SLC24A3: variants seen among roughly 807,000 people sequenced by gnomAD.
SLC24A3 encodes the protein sodium/potassium/calcium exchanger 3.
SLC24A3 carries 28 observed loss-of-function variants against 75.8 expected under a neutral mutation model. That is an observed-to-expected ratio of 0.37 (90% confidence interval 0.27 to 0.51). The LOEUF (loss-of-function observed/expected upper bound fraction) is 0.51. Ranked by LOEUF, SLC24A3 falls within the 20% of genes least tolerant of loss-of-function variation. The probability of loss-of-function intolerance (pLI) is 0.94; values close to 1 mark genes in which losing one functional copy is unlikely to be tolerated. For missense variants in SLC24A3, 663 were observed against 847.8 expected (o/e 0.78, Z 2.71); for synonymous variants, 372 against 334.1 (o/e 1.11, Z -1.24).
At chr20:19,454,333 A>G (rs1024797767) in intron 2 of SLC24A3, among the ~76,000 whole-genome samples, 1 of 152,192 alleles carries the variant, frequency 6.6e-6, no homozygotes, top group Non-Finnish European at 1.5e-5. Context: ...TTGCACTGAT[A>G]ATTTATTTCC....
chr20:19,678,325 C>A (rs1231061921), intron 9 of SLC24A3, among the ~76,000 whole-genome samples: 10 of 127,430 alleles, frequency 7.8e-5, no homozygotes, highest in Non-Finnish European at 1.7e-4. Context: ...GGGCGGCTGG[C>A]CGGGCGGGGG....
At chr20:19,367,998 T>A (rs1356778849) in intron 2 of SLC24A3, among the ~76,000 whole-genome samples, 2 of 152,308 alleles carry the variant, frequency 1.3e-5, no homozygotes, top group East Asian at 3.9e-4. Context: ...AAAGATAAAA[T>A]ATACTCTCTT....
chr20:19,325,795 T>TATATATATATATATATAGAG (rs1251419875), intron 2 of SLC24A3, among the ~76,000 whole-genome samples: 1 of 67,798 alleles, frequency 1.5e-5, no homozygotes, highest in Non-Finnish European at 2.8e-5. Context: ...TATATATATA[T>TATATATATATATATATAGAG]AGAGAGAGAG....
chr20:19,404,500 C>A (rs1276854185), intron 2 of SLC24A3, among the ~76,000 whole-genome samples: 2 of 152,178 alleles, frequency 1.3e-5, no homozygotes, highest in Non-Finnish European at 2.9e-5. Context: ...ACAAGAAATC[C>A]CCTGGAGCCT....
At chr20:19,458,574 C>T (rs528006034) in intron 2 of SLC24A3, among the ~76,000 whole-genome samples, 5 of 152,298 alleles carry the variant, frequency 3.3e-5, no homozygotes, top group Admixed American at 1.3e-4. Context: ...ATTCCATTTT[C>T]TGTGTGTATG....
chr20:19,572,861 A>G (rs1348501792), intron 3 of SLC24A3, among the ~76,000 whole-genome samples: 1 of 152,218 alleles, frequency 6.6e-6, no homozygotes, highest in African/African-American at 2.4e-5. Flanking sequence ...GCTATTAGAT[A>G]CAGAGCCTGT....
intron 2 of SLC24A3, among the ~76,000 whole-genome samples, chr20:19,489,605 C>G (rs1240823908): frequency 1.3e-5 from 2 of 152,052 alleles, no homozygotes; most frequent in East Asian, 3.9e-4. Flanking sequence ...AGCCCAAGGG[C>G]CTTTGGGACA....
chr20:19,712,810 A>C (rs1225885771), intron 15 of SLC24A3, among the ~76,000 whole-genome samples: 1 of 152,274 alleles, frequency 6.6e-6, no homozygotes, highest in African/African-American at 2.4e-5. Flanking sequence ...TGTAAAAATA[A>C]ATGAGCTGTT....
intron 3 of SLC24A3, among the ~76,000 whole-genome samples, chr20:19,524,806 C>G (rs2030168365): frequency 6.6e-6 from 1 of 151,846 alleles, no homozygotes; most frequent in Admixed American, 6.6e-5. Context: ...TATTTTTTTC[C>G]TCTGAAAAGC....
chr20:19,232,124 T>C (rs1315506915), intron 1 of SLC24A3, among the ~76,000 whole-genome samples: 1 of 145,274 alleles, frequency 6.9e-6, no homozygotes, highest in Non-Finnish European at 1.5e-5. Flanking sequence ...TAAGTAATAA[T>C]AGAAATAGAA....
intron 2 of SLC24A3, among the ~76,000 whole-genome samples, chr20:19,449,571 A>G (rs1413601572): frequency 6.6e-6 from 1 of 152,206 alleles, no homozygotes; most frequent in Non-Finnish European, 1.5e-5. Flanking sequence ...GTCCAGGCCT[A>G]TGGCTCTTGA....
Position 19,542,799 on chromosome 20 carries a change from C to A in SLC24A3, c.348+27235C>A, listed in dbSNP as rs78429909. 6.1e-3 allele frequency among the ~76,000 whole-genome samples: 922 copies of A among 152,196 alleles called. 10 individuals are homozygous for A. The highest frequency in any genetic ancestry group is 0.021 in the African/African-American group (861 of 41,518). On this transcript the variant is annotated intron_variant, in intron 3 of 16. Coordinates refer to ENST00000328041, the MANE Select transcript of SLC24A3 (RefSeq NM_020689.4). The stretch of plus-strand genomic sequence containing the variant: ...TAAACCCATGAGAGAGAAGGAGGAG[C>A]CTCTTTCAGAAGACAACCATACACC...
intron 8 of SLC24A3, 24 bp downstream of exon 8, chr20:19,665,913 T>C: frequency 3.7e-6 from 6 of 1,611,028 alleles, no homozygotes; most frequent in Non-Finnish European, 4.2e-6. Context: ...TTTCCCCTTC[T>C]CATTTCTGAA....
chr20:19,420,049 A>G (rs1200259583), intron 2 of SLC24A3, among the ~76,000 whole-genome samples: 13 of 83,506 alleles, frequency 1.6e-4, no homozygotes, highest in African/African-American at 2.0e-4. Flanking sequence ...TCATTGTTCA[A>G]TTCCCACCTA....
chr20:19,538,385 A>G (rs1328928606), intron 3 of SLC24A3, among the ~76,000 whole-genome samples: 1 of 152,246 alleles, frequency 6.6e-6, no homozygotes, highest in African/African-American at 2.4e-5. Context: ...AAGGATGTGT[A>G]TCCAGAGTAT....
intron 2 of SLC24A3, among the ~76,000 whole-genome samples, chr20:19,385,643 C>A (rs1600458443): frequency 7.1e-6 from 1 of 141,290 alleles, no homozygotes; most frequent in Admixed American, 7.0e-5. Flanking sequence ...TTAAAATTGG[C>A]TTTTTTTTTT....
At chr20:19,464,970 G>T (rs1181922379) in intron 2 of SLC24A3, among the ~76,000 whole-genome samples, 12 of 152,224 alleles carry the variant, frequency 7.9e-5, no homozygotes, top group Admixed American at 7.9e-4. Flanking sequence ...AGCACTCTGT[G>T]CCTGTACCAT....
chr20:19,299,131 G>T (rs959483981), intron 2 of SLC24A3, among the ~76,000 whole-genome samples: 1 of 151,948 alleles, frequency 6.6e-6, no homozygotes, highest in African/African-American at 2.4e-5. Flanking sequence ...AGTTGGGGTG[G>T]AAAGCTCATC....
intron 2 of SLC24A3, among the ~76,000 whole-genome samples, chr20:19,381,687 C>A (rs1415660991): frequency 6.6e-6 from 1 of 152,194 alleles, no homozygotes; most frequent in Non-Finnish European, 1.5e-5. Context: ...TTCTTTATTT[C>A]TTAAGGCTCT....
Sources: allele counts gnomAD v4.1 joint callset (sites outside exome capture counted in the v4.1 genomes callset), GRCh38; gene constraint gnomAD v4.1.1; transcripts MANE v1.5; gene names NCBI Gene and HGNC (gene_info 2026-07-23, HGNC 2026-07-21).